The following EIF3A variants were observed in gnomAD, a reference collection of about 807,000 sequenced individuals.
EIF3A encodes EIF3, p180 subunit.
In EIF3A, 21 loss-of-function variants were observed where a neutral mutation model predicts 186.6. The observed-to-expected ratio is 0.11, with a 90% CI of 0.08 to 0.16. The LOEUF is 0.16. Ranked by LOEUF, EIF3A falls within the 10% of genes least tolerant of loss-of-function variation. The probability of loss-of-function intolerance (pLI) is 1.00; values close to 1 mark genes in which losing one functional copy is unlikely to be tolerated. For synonymous variants in EIF3A, 563 were observed against 584.3 expected, an observed-to-expected ratio of 0.96 and a Z score of 0.52; for missense variants, 1,306 against 1,796.3, an observed-to-expected ratio of 0.73 and a Z score of 4.93.
intron 1 of EIF3A, among the ~76,000 whole-genome samples, chr10:119,075,466 T>TTA (rs1844150615): frequency 6.6e-6 from 1 of 151,760 alleles, no homozygotes; most frequent in South Asian, 2.1e-4. Context: ...TTTGTACACT[T>TTA]AATAGACTGG....
intron 7 of EIF3A, 128 bp downstream of exon 7, chr10:119,065,271 T>C: frequency 1.5e-6 from 1 of 687,514 alleles, no homozygotes; most frequent in Non-Finnish European, 2.5e-6. Flanking sequence ...TTGACACCAG[T>C]GCTTCCCTGT....
intron 14 of EIF3A, among the ~76,000 whole-genome samples, chr10:119,052,040 T>A (rs936727528): frequency 6.6e-6 from 1 of 152,140 alleles, no homozygotes; most frequent in Non-Finnish European, 1.5e-5. Flanking sequence ...TTTCTTAAAA[T>A]AGGTAACAAT....
intron 5 of EIF3A, among the ~76,000 whole-genome samples, chr10:119,070,270 G>A (rs1216737396): frequency 2.0e-5 from 3 of 152,132 alleles, no homozygotes; most frequent in Non-Finnish European, 4.4e-5. Flanking sequence ...TAGAGAAAAA[G>A]GGCCAGGGAG....
chr10:119,061,417 C>T, intron 7 of EIF3A, 89 bp from the exon 8 acceptor site: 1 of 563,254 alleles, frequency 1.8e-6, no homozygotes, highest in Non-Finnish European at 3.2e-6. Flanking sequence ...CATTGGAAAT[C>T]TGGAAAATGA....
rs187065888 is a variant in EIF3A at position 119,056,863 on chromosome 10, A to G, written c.2083-10T>C. The G allele has an allele frequency of 1.7e-5, 27 of 1,600,232 alleles. No homozygotes were observed. In the East Asian group the frequency reaches 3.8e-4, roughly 23 times the overall value. ...TTTCAAAATAGTCAATCTGAATGAC[A>G]CGAAAACACACGTAGTTTTAAAAAA... On this transcript the variant is annotated splice_polypyrimidine_tract_variant and intron_variant, in intron 13 of 21. Transcript: ENST00000369144.
chr10:119,075,008 A>T (rs1844142503), intron 1 of EIF3A, among the ~76,000 whole-genome samples: 1 of 134,274 alleles, frequency 7.4e-6, no homozygotes, highest in Admixed American at 8.1e-5. Context: ...TTGACATGGA[A>T]TCTCGCTGTG....
At chr10:119,069,777 G>A (rs1017696791) in intron 5 of EIF3A, 123 bp from the exon 6 acceptor site, 3 of 623,356 alleles carry the variant, frequency 4.8e-6, no homozygotes, top group South Asian at 3.9e-5. Context: ...CCTTTGTGTG[G>A]TTCTCTTTAC....
chr10:119,066,804 T>C (rs910928252), intron 6 of EIF3A, among the ~76,000 whole-genome samples: 38 of 152,290 alleles, frequency 2.5e-4, no homozygotes, highest in African/African-American at 7.9e-4. Context: ...ATAAGGCTAC[T>C]GCAAAGATTA....
chr10:119,043,031 C>T (rs1396948154), intron 18 of EIF3A, among the ~76,000 whole-genome samples: 4 of 151,896 alleles, frequency 2.6e-5, no homozygotes, highest in Non-Finnish European at 5.9e-5. Context: ...CACCTGTAAT[C>T]CCAGCACTTT....
At chr10:119,061,547 A>G (rs1299168212) in intron 7 of EIF3A, among the ~76,000 whole-genome samples, 1 of 152,086 alleles carries the variant, frequency 6.6e-6, no homozygotes, top group African/African-American at 2.4e-5. Flanking sequence ...AAGCCCCACA[A>G]GTATGTAAAA....
chr10:119,080,310 C>T (rs1844243464), intron 1 of EIF3A: 16 of 985,388 alleles, frequency 1.6e-5, no homozygotes, highest in Non-Finnish European at 1.9e-5. Flanking sequence ...AGCCAGAGGA[C>T]GCAGGCAGCA....
At chr10:119,041,957 T>C (rs1230477113) in intron 19 of EIF3A, 37 bp downstream of exon 19, 2 of 1,595,812 alleles carry the variant, frequency 1.3e-6, no homozygotes, top group Non-Finnish European at 1.7e-6. Flanking sequence ...CTTTTACAGG[T>C]GAACACTTAA....
chr10:119,059,371 G>C lies in EIF3A; in HGVS notation c.1470C>G (p.Thr490=). 6.2e-7 allele frequency: 1 copy of C among 1,600,570 alleles called. No individual in the cohort carries two copies. Among genetic ancestry groups the C allele is most frequent in the South Asian group, 1.1e-5 (1 of 88,746 alleles). ...LQVRIDHTSR[T]LSFGSDLNYA... is the part of the protein sequence containing the mutation. ...AATTCAAATCAGATCCAAAACTCAG[G>C]GTCCGAGAAGTGTGATCAATACGAA... Residue 490 remains threonine (T), a synonymous_variant, in exon 11 of 22, where the codon ACC becomes ACG. Transcript: ENST00000369144.
In EIF3A at chr10:119,069,479, A is replaced by G. The variant is rs1844036664; in HGVS notation, c.917T>C (p.Met306Thr). ...CTCATCTTGTGTGAGATTCTTTCTC[A>G]TTTCTCTAGAGAGATGGTAAAGACG... ...LHRLYHLSRE[M>T]RKNLTQDEMQ... Residue 306 changes from methionine to threonine, a missense_variant, in exon 6 of 22, where the codon ATG (methionine) becomes ACG (threonine). Around this residue, in one of 8 missense-constraint regions of EIF3A, gnomAD observed 267 missense variants for 367.8 expected, o/e 0.73. Transcript: ENST00000369144. 6.4e-7 allele frequency: 1 copy of G among 1,563,058 alleles called. No individual in the cohort carries two copies.
rs776444269 is a variant in EIF3A, at chr10:119,049,880, T to C, written c.2579A>G (p.Gln860Arg). Residue 860 changes from glutamine to arginine, a missense_variant, in exon 17 of 22, where the codon CAA becomes CGA. This residue lies in a region of EIF3A where 410 missense variants were observed against 473.5 expected (regional missense o/e 0.87). Coordinates refer to ENST00000369144, the MANE Select transcript of EIF3A (RefSeq NM_003750.4). Reference sequence around the variant, plus strand: ...TCGTTCTTCAATTTCCAACTCCCTTTGGCGTTTTTTCCTTTCCACTTCTTC... The same window carrying C: ...TCGTTCTTCAATTTCCAACTCCCTTCGGCGTTTTTTCCTTTCCACTTCTTC... ...KLEEVERKKR[Q>R]RELEIEERER... The C allele has an allele frequency of 6.2e-7, 1 of 1,614,234 alleles. No individual in the cohort carries two copies. The highest frequency in any genetic ancestry group is 8.5e-7 in the Non-Finnish European group (1 of 1,180,046).
intron 4 of EIF3A, 55 bp downstream of exon 4, chr10:119,072,835 T>G: frequency 1.9e-6 from 3 of 1,550,686 alleles, no homozygotes; most frequent in South Asian, 1.2e-5. Flanking sequence ...TTCAGAAAAT[T>G]TACTCCTCAG....
At chr10:119,079,918 ACT>A (rs1177790800) in intron 1 of EIF3A, among the ~76,000 whole-genome samples, 1 of 152,086 alleles carries the variant, frequency 6.6e-6, no homozygotes, top group Non-Finnish European at 1.5e-5. Flanking sequence ...CTTTACATTA[ACT>A]CTATTCCAAC....
chr10:119,043,604 AAAC>A (rs948834627), intron 18 of EIF3A, among the ~76,000 whole-genome samples: 24 of 151,932 alleles, frequency 1.6e-4, no homozygotes, highest in Admixed American at 3.3e-4. Flanking sequence ...CGCCATCTCA[AAAC>A]AACAACAACA....
intron 18 of EIF3A, among the ~76,000 whole-genome samples, chr10:119,043,802 C>T (rs1458050085): frequency 6.6e-6 from 1 of 151,482 alleles, no homozygotes; most frequent in Non-Finnish European, 1.5e-5. Flanking sequence ...CACCTGTAAT[C>T]CCAGCTATTC....
Sources: allele counts gnomAD v4.1 joint callset (sites outside exome capture counted in the v4.1 genomes callset), GRCh38; gene constraint gnomAD v4.1.1; regional missense constraint gnomAD v4.1.1; transcripts MANE v1.5; gene names NCBI Gene and HGNC (gene_info 2026-07-23, HGNC 2026-07-21).